The following APOBEC3G variants were observed in gnomAD, a reference collection of about 807,000 sequenced individuals.
APOBEC3G encodes the protein apolipoprotein B mRNA editing enzyme catalytic subunit 3G, also known as DNA dC->dU-editing enzyme APOBEC-3G.
A neutral mutation model predicts 50.0 loss-of-function variants in APOBEC3G; 44 were observed. The ratio of observed to expected loss-of-function variants is 0.88; its 90% confidence interval spans 0.69 to 1.13. The LOEUF is 1.13. Among genes scored for constraint, APOBEC3G ranks in the 50% most tolerant of loss-of-function variants. The pLI, the probability that APOBEC3G is intolerant of heterozygous loss-of-function variation, is 0.00. For synonymous variants in APOBEC3G, 156 were observed against 175.3 expected (o/e 0.89, Z 0.87); for missense variants, 469 against 492.0 (o/e 0.95, Z 0.44).
upstream of APOBEC3G, chr22:39,077,081 T>C (rs1928182639): frequency 1.7e-6 from 1 of 576,556 alleles, no homozygotes; most frequent in East Asian, 2.9e-5. Context: ...CCCTTTGCAA[T>C]TGCCTTGGGT....
intron 1 of APOBEC3G, chr22:39,078,385 C>T (rs1252517655): frequency 6.6e-6 from 1 of 152,480 alleles, no homozygotes; most frequent in Non-Finnish European, 1.5e-5. Context: ...ATGGCTGCCT[C>T]CTGCAGGGCC....
intron 5 of APOBEC3G, among the ~76,000 whole-genome samples, chr22:39,085,173 TG>T (rs1928639174): frequency 6.6e-6 from 1 of 152,176 alleles, no homozygotes; most frequent in Non-Finnish European, 1.5e-5. Flanking sequence ...CATCATTCCT[TG>T]GGCTCAACAA....
Position 39,079,484 on chromosome 22 carries a change from AT to A in APOBEC3G, c.171+409del, listed in dbSNP as rs111930803. 2.4e-3 allele frequency: 401 copies of A among 164,288 alleles called. 1 individual carries two copies. Among genetic ancestry groups the A allele is most frequent in the South Asian group, 8.4e-3 (59 of 6,996 alleles). 10.2% of individuals were successfully genotyped at this position (164,288 alleles called of 1,614,324 possible). A position where few individuals can be genotyped will look rare whatever the true frequency, so the allele number is the denominator to read the frequency against. The stretch of plus-strand genomic sequence containing the variant: ...AGGTGCCCACCACCACGCCCAGCTG[AT>A]TTTTTTTTTGTATTTTTAGTACAGA... On this transcript the variant is annotated intron_variant, in intron 2 of 7. Transcript: ENST00000407997.
At chr22:39,086,180 T>C in intron 5 of APOBEC3G, 99 bp from the exon 6 acceptor site, 1 of 1,363,324 alleles carries the variant, frequency 7.3e-7, no homozygotes. Flanking sequence ...GGTGCATGCC[T>C]GTAATCCTAG....
Position 39,080,680 on chromosome 22 carries a change from C to T in APOBEC3G, c.172-253C>T, listed in dbSNP as rs868417853. On this transcript the variant is annotated intron_variant, in intron 2 of 7. Coordinates refer to ENST00000407997, the MANE Select transcript of APOBEC3G (RefSeq NM_021822.4). ...CCTTGAATAACCACAGCAGTGGCAC[C>T]CACAAAGGTGCAGTTCCCACAGCCT... is the stretch of plus-strand genomic sequence containing the variant. 1.5e-4 allele frequency: 75 copies of T among 502,942 alleles called. No individual in the cohort carries two copies. In the Middle Eastern group the frequency reaches 3.6e-3, roughly 24 times the overall value. 31.2% of individuals were successfully genotyped at this position (502,942 alleles called of 1,614,324 possible).
At chr22:39,087,318 C>T (rs1429573347) in intron 7 of APOBEC3G, 89 bp from the exon 8 acceptor site, 16 of 1,604,364 alleles carry the variant, frequency 1.0e-5, no homozygotes, top group South Asian at 4.4e-5. Context: ...CCCTCCTCTC[C>T]GATCATTGTC....
In APOBEC3G at chr22:39,077,356, C is replaced by T; in HGVS notation, c.-6C>T. 1 of 1,579,072 alleles carries T rather than the reference C, an allele frequency of 6.3e-7. No homozygotes were observed. The highest frequency in any genetic ancestry group is 8.6e-7 in the Non-Finnish European group (1 of 1,162,012). ...AAAGATCTTAGTCGGGACTAGCCGGCCAAGGATGAAGCCTCACTTCAGGTA... is the reference window on the plus strand; with the variant it reads ...AAAGATCTTAGTCGGGACTAGCCGGTCAAGGATGAAGCCTCACTTCAGGTA... On this transcript the variant is annotated 5_prime_UTR_variant, in exon 1 of 8. Transcript: ENST00000407997.
At chr22:39,081,269 AGT>A (rs1471876201) in intron 3 of APOBEC3G, 42 bp downstream of exon 3, 2 of 1,598,894 alleles carry the variant, frequency 1.3e-6, no homozygotes, top group Non-Finnish European at 1.7e-6. Flanking sequence ...AGACTGCTTA[AGT>A]GTCTGTGATG....
In APOBEC3G at chr22:39,081,450, G is replaced by T. The variant is rs34913053; in HGVS notation, c.467-21G>T. On this transcript the variant is annotated intron_variant, in intron 3 of 7. Coordinates refer to ENST00000407997, the MANE Select transcript of APOBEC3G (RefSeq NM_021822.4). ...AGAGAGGCCAGCTGGGCTTGACTGC[G>T]TTCTCTCTTCTTTTTCTTAGAATTT... The T allele has an allele frequency of 5.3e-4, 854 of 1,611,180 alleles. 7 individuals are homozygous for T. The African/African-American group carries it at 0.01, about 19-fold the overall frequency.
chr22:39,079,670 A>G (rs1928342957), intron 2 of APOBEC3G: 1 of 152,188 alleles, frequency 6.6e-6, no homozygotes, highest in Non-Finnish European at 1.5e-5. Context: ...TTACTTCAAC[A>G]TTAATTAACA....
intron 5 of APOBEC3G, among the ~76,000 whole-genome samples, chr22:39,084,295 G>A (rs995316317): frequency 2.0e-5 from 3 of 152,320 alleles, no homozygotes; most frequent in East Asian, 3.9e-4. Context: ...TTGGGAGGCC[G>A]AGGCTGGCGA....
At chr22:39,081,372 CTG>C in intron 3 of APOBEC3G, 97 bp from the exon 4 acceptor site, 1 of 1,528,398 alleles carries the variant, frequency 6.5e-7, no homozygotes, top group Admixed American at 1.8e-5. Flanking sequence ...CTGGCGCTGA[CTG>C]TAACTAGTAT....
chr22:39,083,673 G>A (rs1928571166), intron 4 of APOBEC3G, 58 bp from the exon 5 acceptor site: 7 of 1,573,724 alleles, frequency 4.4e-6, no homozygotes, highest in Non-Finnish European at 6.1e-6. Context: ...AGAGGGAGGG[G>A]GAGGTGGGAC....
At chr22:39,087,329 A>G in intron 7 of APOBEC3G, 78 bp from the exon 8 acceptor site, 2 of 1,607,212 alleles carry the variant, frequency 1.2e-6, no homozygotes, top group South Asian at 1.1e-5. Flanking sequence ...GATCATTGTC[A>G]CTGTCCCCAG....
In APOBEC3G at chr22:39,086,966, G is replaced by C. The variant is rs777612685; in HGVS notation, c.1025-45G>C. The stretch of plus-strand genomic sequence containing the variant: ...AGTCATGGGCCTTTGGTGCCACCAC[G>C]ATCCCACAGCGGGAGTGTGACTTAT... On this transcript the variant is annotated intron_variant, in intron 6 of 7. Coordinates refer to ENST00000407997, the MANE Select transcript of APOBEC3G (RefSeq NM_021822.4). 8.3e-6 allele frequency: 13 copies of C among 1,557,264 alleles called. No individual in the cohort carries two copies. In the East Asian group the frequency reaches 1.1e-4, roughly 14 times the overall value.
At chr22:39,085,005 C>T (rs908032951) in intron 5 of APOBEC3G, among the ~76,000 whole-genome samples, 1 of 152,184 alleles carries the variant, frequency 6.6e-6, no homozygotes, top group African/African-American at 2.4e-5. Flanking sequence ...TTCAAAGGCA[C>T]CGGTCCCCAT....
chr22:39,085,100 G>A (rs1013269282), intron 5 of APOBEC3G, among the ~76,000 whole-genome samples: 1 of 152,082 alleles, frequency 6.6e-6, no homozygotes, highest in Non-Finnish European at 1.5e-5. Context: ...ATTCTACCCC[G>A]AGTCCTCTCT....
chr22:39,078,483 C>T (rs1295861338), intron 1 of APOBEC3G: 1 of 158,844 alleles, frequency 6.3e-6, no homozygotes, highest in Non-Finnish European at 1.4e-5. Context: ...GGTTACCCCG[C>T]CTCTCTGCGC....
At chr22:39,085,737 A>T (rs1928663154) in intron 5 of APOBEC3G, among the ~76,000 whole-genome samples, 1 of 151,704 alleles carries the variant, frequency 6.6e-6, no homozygotes, top group South Asian at 2.1e-4. Flanking sequence ...AAATACAAAG[A>T]TTAGCCAGGC....
Sources: allele counts gnomAD v4.1 joint callset (sites outside exome capture counted in the v4.1 genomes callset), GRCh38; gene constraint gnomAD v4.1.1; transcripts MANE v1.5; gene names NCBI Gene and HGNC (gene_info 2026-07-23, HGNC 2026-07-21).